Variants in ZNF169 observed in about 807,000 individuals in gnomAD.
ZNF169 encodes zinc finger protein 169.
ZNF169 carries 11 observed loss-of-function variants against 12.0 expected under a neutral mutation model. That is an observed-to-expected ratio of 0.92 (90% CI 0.58 to 1.52). The LOEUF (loss-of-function observed/expected upper bound fraction) is 1.52, where lower values mean the gene tolerates loss of function less well. ZNF169 is among the 40% of genes most tolerant of loss of function. ZNF169 has a pLI of 0.00. For missense variants in ZNF169, 722 were observed against 744.0 expected (o/e 0.97, Z 0.34); for synonymous variants, 302 against 286.5 (o/e 1.05, Z -0.55).
intron 4 of ZNF169, chr9:94,299,451 A>G: frequency 1.1e-6 from 1 of 899,772 alleles, no homozygotes; most frequent in East Asian, 3.1e-5. Context: ...ACTGCAGCTC[A>G]GACACCAAGT....
At chr9:94,281,671 G>A (rs1830635275) in intron 2 of ZNF169, among the ~76,000 whole-genome samples, 1 of 152,160 alleles carries the variant, frequency 6.6e-6, no homozygotes, top group Non-Finnish European at 1.5e-5. Flanking sequence ...ATATTTTGGG[G>A]AGGCATGAGA....
intron 1 of ZNF169, among the ~76,000 whole-genome samples, chr9:94,266,532 GT>G (rs1830296866): frequency 6.6e-6 from 1 of 152,162 alleles, no homozygotes; most frequent in Non-Finnish European, 1.5e-5. Flanking sequence ...GGTTGCCACT[GT>G]TTTCTTCTGA....
intron 4 of ZNF169, 97 bp from the exon 5 acceptor site, chr9:94,299,718 T>C: frequency 2.0e-6 from 3 of 1,503,320 alleles, no homozygotes; most frequent in Non-Finnish European, 2.7e-6. Context: ...GGTTGGAAGA[T>C]AAGTCTTTGT....
chr9:94,292,607 TTG>T (rs138361295), intron 3 of ZNF169, 140 bp downstream of exon 3: 69,530 of 669,508 alleles, frequency 0.1, 1,485 homozygotes, highest in African/African-American at 0.16. Context: ...CACAGTGCAG[TTG>T]TGTGTGTGTG....
intron 1 of ZNF169, 126 bp from the exon 2 acceptor site, chr9:94,278,632 G>A (rs11795346): frequency 0.18 from 97,991 of 534,604 alleles, 10,805 homozygotes; most frequent in Non-Finnish European, 0.23. Context: ...GGGCTTCACC[G>A]ATGCCCTCTG....
Position 94,278,969 on chromosome 9 carries a change from C to G in ZNF169, c.33+124C>G, listed in dbSNP as rs1484189142. On this transcript the variant is annotated intron_variant, in intron 2 of 4. Transcript: ENST00000395395. ...ATCTTGTAGGCGTGACTCATCTTAT[C>G]TGGAGTTTTCTCTCAGTCTTATTTG... 6 of 892,180 alleles carry G rather than the reference C, an allele frequency of 6.7e-6. No individual in the cohort carries two copies. In the African/African-American group the frequency reaches 8.5e-5, roughly 13 times the overall value. 55.3% of individuals were successfully genotyped at this position (892,180 alleles called of 1,614,324 possible). A position where few individuals can be genotyped will look rare whatever the true frequency, so the allele number is the denominator to read the frequency against.
chr9:94,264,065 A>G (rs1830250077), intron 1 of ZNF169, among the ~76,000 whole-genome samples: 1 of 152,158 alleles, frequency 6.6e-6, no homozygotes, highest in African/African-American at 2.4e-5. Context: ...TTCAGGCTGT[A>G]ATTGTCATAT....
At chr9:94,277,144 A>G (rs1464983910) in intron 1 of ZNF169, among the ~76,000 whole-genome samples, 1 of 152,168 alleles carries the variant, frequency 6.6e-6, no homozygotes, top group East Asian at 1.9e-4. Flanking sequence ...GGCTATAGGT[A>G]AATTTAAACA....
chr9:94,262,972 C>T (rs1346019035), intron 1 of ZNF169, among the ~76,000 whole-genome samples: 1 of 152,154 alleles, frequency 6.6e-6, no homozygotes, highest in Admixed American at 6.5e-5. Context: ...TGTAGAATGT[C>T]AGTCTTTGCA....
intron 2 of ZNF169, among the ~76,000 whole-genome samples, chr9:94,284,762 T>C (rs986512419): frequency 1.3e-5 from 2 of 152,174 alleles, no homozygotes; most frequent in African/African-American, 4.8e-5. Flanking sequence ...GGAAAGACTT[T>C]CCATGCTTGG....
Position 94,277,911 on chromosome 9 carries a change from C to A in ZNF169, c.-55-847C>A, listed in dbSNP as rs7045405. Among the ~76,000 whole-genome samples, 35 of 148,500 alleles carry A rather than the reference C, an allele frequency of 2.4e-4. 1 individual carries two copies. Among genetic ancestry groups the A allele is most frequent in the African/African-American group, 7.5e-4 (30 of 40,154 alleles). On this transcript the variant is annotated intron_variant, in intron 1 of 4. Transcript: ENST00000395395. ...TGCGCCACTGCACTCCCGCCTGGGC[C>A]ACAGAGCGAGACTCCGACTCAAAAA...
intron 1 of ZNF169, among the ~76,000 whole-genome samples, chr9:94,276,360 G>C (rs1830518498): frequency 6.6e-6 from 1 of 151,816 alleles, no homozygotes; most frequent in Non-Finnish European, 1.5e-5. Context: ...CCACCTCCCA[G>C]GTTCAAGTGA....
At chr9:94,288,224 T>C (rs1363311393) in intron 2 of ZNF169, 8 of 817,006 alleles carry the variant, frequency 9.8e-6, no homozygotes, top group Non-Finnish European at 1.7e-5. Context: ...TAGCATTTTT[T>C]TCCCCCAGTG....
chr9:94,259,922 C>G (rs1830169152), intron 1 of ZNF169, among the ~76,000 whole-genome samples: 1 of 152,006 alleles, frequency 6.6e-6, no homozygotes, highest in East Asian at 1.9e-4. Flanking sequence ...ATTTTTGAAA[C>G]AGAGTCTCTC....
chr9:94,276,894 A>T (rs1830530458), intron 1 of ZNF169, among the ~76,000 whole-genome samples: 1 of 152,080 alleles, frequency 6.6e-6, no homozygotes, highest in African/African-American at 2.4e-5. Context: ...TCATGATCAC[A>T]CTGTTGACAA....
Position 94,300,045 on chromosome 9 carries a change from A to G in ZNF169, c.487A>G (p.Thr163Ala). ...AAAGAGGCCAAGCAGAATTTCTAGGACATTCTTCAGCCCACATCAAGGTGA... is the reference window on the plus strand; with the variant it reads ...AAAGAGGCCAAGCAGAATTTCTAGGGCATTCTTCAGCCCACATCAAGGTGA... ...LRKRPSRISRTFFSPHQGDPV... is the reference protein window; with the variant it reads ...LRKRPSRISRAFFSPHQGDPV... Residue 163 changes from threonine (T) to alanine (A), a missense_variant, in exon 5 of 5, where the codon ACA becomes GCA. Transcript: ENST00000395395. The G allele has an allele frequency of 6.2e-7, 1 of 1,614,108 alleles. No individual in the cohort carries two copies. The highest frequency in any genetic ancestry group is 8.5e-7 in the Non-Finnish European group (1 of 1,180,022).
chr9:94,279,091 C>T (rs1268927407), intron 2 of ZNF169, among the ~76,000 whole-genome samples: 1 of 152,036 alleles, frequency 6.6e-6, no homozygotes, highest in Admixed American at 6.6e-5. Context: ...GCTTATGTGC[C>T]CAGTGACTCC....
intron 2 of ZNF169, among the ~76,000 whole-genome samples, chr9:94,283,096 C>T (rs545628564): frequency 5.9e-5 from 9 of 152,186 alleles, no homozygotes; most frequent in East Asian, 1.9e-4. Flanking sequence ...TTAACAAAAA[C>T]GAAACATGTA....
intron 1 of ZNF169, among the ~76,000 whole-genome samples, chr9:94,275,215 G>A (rs1830499031): frequency 6.6e-6 from 1 of 152,220 alleles, no homozygotes; most frequent in Non-Finnish European, 1.5e-5. Flanking sequence ...CAGCCTTGGT[G>A]ACAAAGTGAG....
Sources: gnomAD v4.1 joint callset for allele counts (sites outside exome capture counted in the v4.1 genomes callset) on GRCh38, gnomAD v4.1.1 for gene constraint, MANE v1.5 for transcripts, NCBI Gene and HGNC (gene_info 2026-07-23, HGNC 2026-07-21) for gene names.